Variants in SPTAN1 observed in about 807,000 individuals in gnomAD.
The protein encoded by SPTAN1 is spectrin alpha chain, non-erythrocytic 1.
A neutral mutation model predicts 331.3 loss-of-function variants in SPTAN1; 61 were observed. That is an observed-to-expected ratio of 0.18 (90% confidence interval 0.15 to 0.23). The LOEUF (loss-of-function observed/expected upper bound fraction) is 0.23, where lower values mean the gene tolerates loss of function less well. Among genes scored for constraint, SPTAN1 ranks in the 10% least tolerant of loss-of-function variants. The probability of loss-of-function intolerance (pLI) is 1.00; values close to 1 mark genes in which losing one functional copy is unlikely to be tolerated. For synonymous variants in SPTAN1, 1,153 were observed against 1,173.9 expected (o/e 0.98, Z 0.36); for missense variants, 2,043 against 3,147.9 (o/e 0.65, Z 8.40).
chr9:128,617,537 AAAGAT>A, intron 41 of SPTAN1, 98 bp from the exon 42 acceptor site: 2 of 1,566,254 alleles, frequency 1.3e-6, no homozygotes, highest in South Asian at 2.3e-5. Flanking sequence ...ATTTTCCCAG[AAAGAT>A]TAGTAGATGT....
intron 34 of SPTAN1, among the ~76,000 whole-genome samples, chr9:128,608,487 G>GACAAATACT (rs1244996857): frequency 1.4e-3 from 216 of 152,294 alleles, no homozygotes; most frequent in Middle Eastern, 3.4e-3. Context: ...TTATCAAAGG[G>GACAAATACT]ATGGAAAACA....
chr9:128,558,585 G>C (rs1848925158), intron 1 of SPTAN1, among the ~76,000 whole-genome samples: 2 of 152,190 alleles, frequency 1.3e-5, no homozygotes, highest in African/African-American at 4.8e-5. Context: ...AGATAGGCTG[G>C]TAAGATTGGA....
chr9:128,626,265 G>A (rs1858718168), intron 48 of SPTAN1, 126 bp from the exon 49 acceptor site: 1 of 1,214,384 alleles, frequency 8.2e-7, no homozygotes, highest in South Asian at 1.2e-5. Context: ...GAGCAGAGGG[G>A]AGCTAAGCTC....
chr9:128,560,112 C>G (rs1274923823), intron 1 of SPTAN1, among the ~76,000 whole-genome samples: 2 of 123,298 alleles, frequency 1.6e-5, no homozygotes, highest in Admixed American at 9.0e-5. Context: ...GAGACAGAGT[C>G]TCGCTCTGTC....
chr9:128,624,236 T>G, intron 45 of SPTAN1, 92 bp from the exon 46 acceptor site: 2 of 1,532,186 alleles, frequency 1.3e-6, no homozygotes, highest in Non-Finnish European at 1.8e-6. Context: ...AGTGGCCCAT[T>G]TTATAGAAGT....
At chr9:128,579,238 A>G (rs1851663850) in intron 9 of SPTAN1, among the ~76,000 whole-genome samples, 1 of 152,192 alleles carries the variant, frequency 6.6e-6, no homozygotes, top group Non-Finnish European at 1.5e-5. Flanking sequence ...TGGAAGAAAA[A>G]AATTCAAAAA....
chr9:128,600,571 A>G (rs1854979310), intron 27 of SPTAN1, among the ~76,000 whole-genome samples: 1 of 152,242 alleles, frequency 6.6e-6, no homozygotes, highest in Non-Finnish European at 1.5e-5. Flanking sequence ...TCCCCACTAC[A>G]GTAGACATTT....
At chr9:128,602,220 TG>T (rs1311454518) in intron 27 of SPTAN1, among the ~76,000 whole-genome samples, 2 of 150,594 alleles carry the variant, frequency 1.3e-5, no homozygotes, top group Non-Finnish European at 1.5e-5. Flanking sequence ...GGGTTTTTTT[TG>T]TTTTTTTTTT....
chr9:128,597,303 C>T (rs891562473), intron 24 of SPTAN1, among the ~76,000 whole-genome samples: 4 of 152,252 alleles, frequency 2.6e-5, no homozygotes, highest in African/African-American at 9.6e-5. Context: ...CACACCTGGC[C>T]TCATCACATT....
intron 40 of SPTAN1, among the ~76,000 whole-genome samples, 176 bp downstream of exon 40, chr9:128,613,661 A>G (rs1856806529): frequency 6.6e-6 from 1 of 152,208 alleles, no homozygotes; most frequent in Non-Finnish European, 1.5e-5. Context: ...GGCTCTTGAG[A>G]GATTTTTATT....
At chr9:128,604,304 C>A in intron 28 of SPTAN1, 22 bp from the exon 29 acceptor site, 1 of 1,612,802 alleles carries the variant, frequency 6.2e-7, no homozygotes, top group Non-Finnish European at 8.5e-7. Context: ...TGCAGTGGAG[C>A]TGATGTTTTG....
intron 15 of SPTAN1, 35 bp downstream of exon 15, chr9:128,583,316 T>G (rs1852177194): frequency 6.2e-7 from 1 of 1,601,502 alleles, no homozygotes; most frequent in African/African-American, 1.3e-5. Flanking sequence ...GACATGCATG[T>G]TTGGGGAACT....
rs570824675 is a variant in SPTAN1 at position 128,594,112 on chromosome 9, A to G, written c.3216-63A>G. ...TGGAGACACCTCGTGGTTTGCCTTT[A>G]TGTTAGCATCTACAGCTAACTGCCT... On this transcript the variant is annotated intron_variant, in intron 23 of 56. Transcript: ENST00000372739. The G allele has an allele frequency of 9.7e-6, 15 of 1,546,924 alleles. No homozygotes were observed. In the African/African-American group the frequency reaches 1.8e-4, roughly 18 times the overall value.
At chr9:128,570,330 A>ATATATATATTTTTTTTTTTTT (rs1850540639) in intron 3 of SPTAN1, among the ~76,000 whole-genome samples, 1 of 71,874 alleles carries the variant, frequency 1.4e-5, no homozygotes, top group South Asian at 4.9e-4. Context: ...ATATATATAT[A>ATATATATATTTTTTTTTTTTT]TTTTTTTTTT....
chr9:128,603,395 G>C (rs2131543471), intron 27 of SPTAN1, 148 bp from the exon 28 acceptor site: 1 of 839,194 alleles, frequency 1.2e-6, no homozygotes, highest in Non-Finnish European at 2.1e-6. Context: ...CTTGACACTT[G>C]TACTGATGTC....
chr9:128,585,421 T>C (rs1282444924), intron 18 of SPTAN1, among the ~76,000 whole-genome samples: 2 of 152,124 alleles, frequency 1.3e-5, no homozygotes, highest in African/African-American at 4.8e-5. Flanking sequence ...GGAAAAGAGC[T>C]GATAGAGTGC....
At chr9:128,565,155 T>G (rs1162211401) in intron 1 of SPTAN1, among the ~76,000 whole-genome samples, 1 of 151,932 alleles carries the variant, frequency 6.6e-6, no homozygotes, top group Non-Finnish European at 1.5e-5. Context: ...ATACAAAAAT[T>G]AGCTGGGCGT....
intron 18 of SPTAN1, 40 bp from the exon 19 acceptor site, chr9:128,585,708 A>G (rs754477832): frequency 1.8e-5 from 28 of 1,527,124 alleles, no homozygotes; most frequent in South Asian, 5.6e-5. Context: ...TGATGTGTCA[A>G]CGTAGTTTTT....
intron 22 of SPTAN1, 65 bp from the exon 23 acceptor site, chr9:128,592,914 GCTGC>G (rs1280897162): frequency 1.2e-5 from 17 of 1,451,474 alleles, no homozygotes; most frequent in Non-Finnish European, 1.6e-5. Context: ...AGTCGGAGCT[GCTGC>G]CTTTCATCCC....
Sources: allele counts gnomAD v4.1 joint callset (sites outside exome capture counted in the v4.1 genomes callset), GRCh38; gene constraint gnomAD v4.1.1; transcripts MANE v1.5; gene names NCBI Gene and HGNC (gene_info 2026-07-23, HGNC 2026-07-21).